OPCML: variants seen among roughly 807,000 people sequenced by gnomAD.
OPCML encodes opioid binding protein/cell adhesion molecule like, also known as opioid-binding protein/cell adhesion molecule.
OPCML carries 13 observed loss-of-function variants against 37.8 expected under a neutral mutation model. That is an observed-to-expected ratio of 0.34 (90% CI 0.22 to 0.55). OPCML has a LOEUF of 0.55. OPCML is among the 20% of genes least tolerant of loss of function. The pLI, the probability that OPCML is intolerant of heterozygous loss-of-function variation, is 0.91. For synonymous variants in OPCML, 176 were observed against 168.8 expected, an observed-to-expected ratio of 1.04 and a Z score of -0.33; for missense variants, 341 against 435.6, an observed-to-expected ratio of 0.78 and a Z score of 1.93.
intron 2 of OPCML, among the ~76,000 whole-genome samples, chr11:132,885,910 T>A (rs1943393404): frequency 6.6e-6 from 1 of 152,168 alleles, no homozygotes; most frequent in Non-Finnish European, 1.5e-5. Context: ...TTCAGAAATG[T>A]CTTGTGTAGA....
chr11:133,250,016 G>T (rs1941074488), intron 1 of OPCML, among the ~76,000 whole-genome samples: 1 of 152,154 alleles, frequency 6.6e-6, no homozygotes, highest in Non-Finnish European at 1.5e-5. Flanking sequence ...CAACTTGCCT[G>T]GTCAGAGACA....
At chr11:132,789,343 C>G (rs1372391544) in intron 2 of OPCML, among the ~76,000 whole-genome samples, 1 of 152,058 alleles carries the variant, frequency 6.6e-6, no homozygotes, top group East Asian at 1.9e-4. Flanking sequence ...AATATCTTAA[C>G]AGAAAGTTAT....
At chr11:133,207,759 C>T (rs969464885) in intron 1 of OPCML, among the ~76,000 whole-genome samples, 1 of 152,132 alleles carries the variant, frequency 6.6e-6, no homozygotes, top group Non-Finnish European at 1.5e-5. Context: ...TTGTCAAATG[C>T]TATTTGGCAG....
At chr11:132,840,646 C>G (rs1225925520) in intron 2 of OPCML, among the ~76,000 whole-genome samples, 1 of 152,178 alleles carries the variant, frequency 6.6e-6, no homozygotes, top group Non-Finnish European at 1.5e-5. Flanking sequence ...ATTATTATCA[C>G]AAGGTTGCTC....
At position 133,140,531 on chromosome 11, in the gene OPCML, T is replaced by TAATAATAATAATAAGAAG. The variant is rs1272061685; in HGVS notation, c.62-197522_62-197521insCTTCTTATTATTATTATT. Among the ~76,000 whole-genome samples, 522 of 88,084 alleles carry TAATAATAATAATAAGAAG rather than the reference T, an allele frequency of 5.9e-3. 3 individuals carry two copies. Among genetic ancestry groups the TAATAATAATAATAAGAAG allele is most frequent in the African/African-American group, 6.7e-3 (164 of 24,596 alleles). 57.8% of individuals were successfully genotyped at this position (88,084 alleles called of 152,430 possible). Reference sequence around the variant, plus strand: ...TGTCTCAAAATAATAATAATAATAATAAGAAGAAGAAGAAGAAGAAGAAGA... The same window carrying TAATAATAATAATAAGAAG: ...TGTCTCAAAATAATAATAATAATAATAATAATAATAATAAGAAGAAGAAGAAGAAGAAGAAGAAGAAGA... On this transcript the variant is annotated intron_variant, in intron 1 of 7. Coordinates refer to ENST00000524381, the MANE Select transcript of OPCML (RefSeq NM_001012393.5).
At chr11:133,018,547 C>G (rs936347510) in intron 1 of OPCML, among the ~76,000 whole-genome samples, 8 of 152,148 alleles carry the variant, frequency 5.3e-5, no homozygotes, top group African/African-American at 1.9e-4. Context: ...AAATCCGACC[C>G]CCTTTTGAAG....
At chr11:133,200,999 G>A (rs1271793542) in intron 1 of OPCML, among the ~76,000 whole-genome samples, 1 of 152,180 alleles carries the variant, frequency 6.6e-6, no homozygotes, top group Non-Finnish European at 1.5e-5. Flanking sequence ...TTTAGCTGGA[G>A]GCCATTATCC....
At chr11:133,083,949 T>G (rs1170983030) in intron 1 of OPCML, among the ~76,000 whole-genome samples, 1 of 152,248 alleles carries the variant, frequency 6.6e-6, no homozygotes, top group East Asian at 1.9e-4. Context: ...GTGACATCTT[T>G]TCTGTTATTG....
intron 1 of OPCML, among the ~76,000 whole-genome samples, chr11:132,951,867 T>A (rs1296071822): frequency 1.3e-5 from 2 of 152,214 alleles, no homozygotes; most frequent in African/African-American, 4.8e-5. Context: ...ATGAAAAGGC[T>A]TCTGTGGTTA....
chr11:133,266,137 T>C (rs900885260), intron 1 of OPCML, among the ~76,000 whole-genome samples: 4 of 152,164 alleles, frequency 2.6e-5, no homozygotes, highest in African/African-American at 7.2e-5. Context: ...CAAACCTGTT[T>C]TGTTAAAGAA....
intron 1 of OPCML, among the ~76,000 whole-genome samples, chr11:133,054,421 A>C (rs1948184948): frequency 6.6e-6 from 1 of 152,150 alleles, no homozygotes; most frequent in South Asian, 2.1e-4. Context: ...CTCAGTGTGC[A>C]CCAGGAGTCT....
At chr11:132,999,849 A>G (rs1023194844) in intron 1 of OPCML, among the ~76,000 whole-genome samples, 3 of 152,128 alleles carry the variant, frequency 2.0e-5, no homozygotes, top group Non-Finnish European at 4.4e-5. Context: ...TCAGGGCAGG[A>G]AGTGGAAGTT....
At chr11:132,629,130 C>T (rs1042640369) in intron 3 of OPCML, among the ~76,000 whole-genome samples, 2 of 152,072 alleles carry the variant, frequency 1.3e-5, no homozygotes, top group East Asian at 1.9e-4. Context: ...TAACACTTTC[C>T]TCTCACTTCT....
At chr11:133,070,878 C>A (rs542402274) in intron 1 of OPCML, among the ~76,000 whole-genome samples, 22 of 152,124 alleles carry the variant, frequency 1.4e-4, no homozygotes, top group African/African-American at 4.6e-4. Flanking sequence ...AGAGTTCATA[C>A]CCTGAGCTCA....
At chr11:133,344,067 T>G (rs551630821) in intron 1 of OPCML, among the ~76,000 whole-genome samples, 73 of 152,184 alleles carry the variant, frequency 4.8e-4, no homozygotes, top group Non-Finnish European at 6.9e-4. Flanking sequence ...CGCTGCAGAC[T>G]CTCCACTCCC....
chr11:133,014,614 C>T (rs987688153), intron 1 of OPCML, among the ~76,000 whole-genome samples: 7 of 152,178 alleles, frequency 4.6e-5, no homozygotes, highest in East Asian at 1.9e-4. Context: ...TGCCTTCATT[C>T]GGTGATGCAT....
At chr11:133,251,199 C>A (rs1941120707) in intron 1 of OPCML, among the ~76,000 whole-genome samples, 2 of 152,110 alleles carry the variant, frequency 1.3e-5, no homozygotes, top group Non-Finnish European at 2.9e-5. Flanking sequence ...ACATGTTTCA[C>A]GACAGTGGGC....
intron 1 of OPCML, among the ~76,000 whole-genome samples, chr11:133,100,846 G>A (rs7927221): frequency 0.021 from 3,228 of 152,268 alleles, 85 homozygotes; most frequent in African/African-American, 0.063. Context: ...TGTAAAATAC[G>A]AAACTATAAA....
At chr11:133,006,968 T>C (rs906986843) in intron 1 of OPCML, 1 of 985,358 alleles carries the variant, frequency 1.0e-6, no homozygotes, top group African/African-American at 1.7e-5. Context: ...GCAAAATACC[T>C]GAACTGTTAA....
Sources: allele counts gnomAD v4.1 joint callset (sites outside exome capture counted in the v4.1 genomes callset), GRCh38; gene constraint gnomAD v4.1.1; transcripts MANE v1.5; gene names NCBI Gene and HGNC (gene_info 2026-07-23, HGNC 2026-07-21).